The following HRH1 variants were observed in gnomAD, a reference collection of about 807,000 sequenced individuals.
HRH1 encodes the protein histamine H1 receptor.
A neutral mutation model predicts 10.3 loss-of-function variants in HRH1; 6 were observed. The observed-to-expected ratio is 0.58, with a 90% CI of 0.32 to 1.15. The LOEUF (loss-of-function observed/expected upper bound fraction) is 1.15, where lower values mean the gene tolerates loss of function less well. Among genes scored for constraint, HRH1 ranks in the 50% most tolerant of loss-of-function variants. The pLI, the probability that HRH1 is intolerant of heterozygous loss-of-function variation, is 0.05. For missense variants in HRH1, 514 were observed against 615.3 expected (o/e 0.84, Z 1.74); for synonymous variants, 242 against 236.7 (o/e 1.02, Z -0.21).
intron 1 of HRH1, among the ~76,000 whole-genome samples, chr3:11,230,592 G>C (rs1939012426): frequency 6.6e-6 from 1 of 152,196 alleles, no homozygotes; most frequent in South Asian, 2.1e-4. Context: ...GAGCTTGTTA[G>C]AGATGCAGAA....
chr3:11,193,764 C>T (rs186654415), intron 1 of HRH1, among the ~76,000 whole-genome samples: 85 of 152,330 alleles, frequency 5.6e-4, no homozygotes, highest in African/African-American at 1.8e-3. Flanking sequence ...ACTGTGTCTT[C>T]GCATGGTGGG....
At chr3:11,252,995 T>G (rs1000794286) in intron 1 of HRH1, 2 of 152,144 alleles carry the variant, frequency 1.3e-5, no homozygotes, top group Non-Finnish European at 2.9e-5. Context: ...AAGCCTAATT[T>G]TAGTATTAAA....
At chr3:11,228,598 G>A (rs911507958) in intron 1 of HRH1, among the ~76,000 whole-genome samples, 2 of 151,946 alleles carry the variant, frequency 1.3e-5, no homozygotes, top group Admixed American at 6.6e-5. Context: ...CAAAGTCTAC[G>A]TGAAGGACAC....
chr3:11,236,353 A>G (rs1939180627), intron 1 of HRH1, among the ~76,000 whole-genome samples: 1 of 152,156 alleles, frequency 6.6e-6, no homozygotes, highest in South Asian at 2.1e-4. Flanking sequence ...CACTTGAACC[A>G]AGGAGGCGGA....
At chr3:11,166,933 T>TG (rs56404138) in intron 1 of HRH1, among the ~76,000 whole-genome samples, 140,346 of 140,832 alleles carry the variant, frequency 1, 69,931 homozygotes, top group South Asian at 1. Flanking sequence ...CAACATCTCC[T>TG]TCCCCTGGCT....
At chr3:11,188,807 C>G (rs1159398205) in intron 1 of HRH1, among the ~76,000 whole-genome samples, 1 of 152,058 alleles carries the variant, frequency 6.6e-6, no homozygotes, top group Non-Finnish European at 1.5e-5. Flanking sequence ...GGATATAAAA[C>G]CAAGACAGCC....
At chr3:11,227,930 A>T (rs568186625) in intron 1 of HRH1, among the ~76,000 whole-genome samples, 2 of 152,352 alleles carry the variant, frequency 1.3e-5, no homozygotes, top group South Asian at 4.1e-4. Flanking sequence ...TCCCTAAGGC[A>T]TATCAAAAAC....
intron 1 of HRH1, among the ~76,000 whole-genome samples, chr3:11,167,810 C>T (rs1034458022): frequency 1.3e-5 from 2 of 152,224 alleles, no homozygotes; most frequent in Admixed American, 1.3e-4. Context: ...GCTCAGCTCT[C>T]CTGAGAGGGA....
chr3:11,165,124 A>G (rs1238235925), intron 1 of HRH1, among the ~76,000 whole-genome samples: 1 of 152,230 alleles, frequency 6.6e-6, no homozygotes. Context: ...CAGAGAGGCT[A>G]AGTGACTCGC....
At chr3:11,145,166 C>G (rs1418624015) in intron 1 of HRH1, among the ~76,000 whole-genome samples, 1 of 152,130 alleles carries the variant, frequency 6.6e-6, no homozygotes, top group African/African-American at 2.4e-5. Context: ...TCCTTAAAGT[C>G]CAACTCCAAT....
intron 1 of HRH1, among the ~76,000 whole-genome samples, chr3:11,144,475 A>ATAGACATACGTCTATAGG (rs1559249806): frequency 1.4e-3 from 84 of 59,164 alleles, no homozygotes; most frequent in Non-Finnish European, 2.5e-3. Flanking sequence ...ACATATAGAC[A>ATAGACATACGTCTATAGG]TATATATACA....
intron 1 of HRH1, among the ~76,000 whole-genome samples, chr3:11,177,316 A>C (rs17034093): frequency 1.3e-5 from 2 of 152,170 alleles, no homozygotes; most frequent in East Asian, 3.9e-4. Context: ...GACTAATGGC[A>C]TGGGAGTCTA....
intron 1 of HRH1, among the ~76,000 whole-genome samples, chr3:11,143,232 T>A (rs952453508): frequency 6.6e-6 from 1 of 151,602 alleles, no homozygotes; most frequent in Non-Finnish European, 1.5e-5. Context: ...CTCTGGAGGG[T>A]TTTTAGTAAG....
At chr3:11,210,519 C>T (rs1003183122) in intron 1 of HRH1, among the ~76,000 whole-genome samples, 4 of 152,218 alleles carry the variant, frequency 2.6e-5, no homozygotes, top group South Asian at 2.1e-4. Context: ...TGGCTGGGTG[C>T]GGAGGCTCAC....
At chr3:11,221,915 G>A (rs898214909) in intron 1 of HRH1, among the ~76,000 whole-genome samples, 10 of 152,242 alleles carry the variant, frequency 6.6e-5, no homozygotes, top group South Asian at 4.2e-4. Context: ...GTGATACCAC[G>A]TGCCAGATGC....
rs1940004104 is a variant in HRH1 at position 11,263,269 on chromosome 3, A to ATC, written c.*2772_*2773dup. 6.0e-6 allele frequency: 1 copy of ATC among 167,108 alleles called. No homozygotes were observed. Among genetic ancestry groups the ATC allele is most frequent in the Non-Finnish European group, 1.5e-5 (1 of 68,136 alleles). The allele number at this position is 167,108 out of a possible 1,614,324, so 10.4% of individuals were successfully genotyped here. A position where few individuals can be genotyped will look rare whatever the true frequency, so the allele number is the denominator to read the frequency against. On this transcript the variant is annotated 3_prime_UTR_variant, in exon 2 of 2. Coordinates refer to ENST00000431010, the MANE Select transcript of HRH1 (RefSeq NM_001098212.2). ...CATTTGGCTACTTGGCTTGTGGACA[A>ATC]TCTCTGACCTCTTTTGAAGATGGGC... is the stretch of plus-strand genomic sequence containing the variant.
At chr3:11,242,338 G>A (rs1175129806) in intron 1 of HRH1, among the ~76,000 whole-genome samples, 1 of 151,822 alleles carries the variant, frequency 6.6e-6, no homozygotes, top group African/African-American at 2.4e-5. Context: ...AAAATTAGCC[G>A]GCCATGGTGG....
chr3:11,148,097 T>A (rs1936498225), intron 1 of HRH1, among the ~76,000 whole-genome samples: 3 of 151,414 alleles, frequency 2.0e-5, no homozygotes, highest in African/African-American at 2.4e-5. Context: ...GGAGAAACGC[T>A]TGAACCCAGG....
chr3:11,185,610 C>T (rs752947046), intron 1 of HRH1, among the ~76,000 whole-genome samples: 9 of 152,116 alleles, frequency 5.9e-5, no homozygotes, highest in Non-Finnish European at 1.3e-4. Flanking sequence ...GGCCTTTAGA[C>T]CAAGAAGACC....
Sources: allele counts gnomAD v4.1 joint callset (sites outside exome capture counted in the v4.1 genomes callset), GRCh38; gene constraint gnomAD v4.1.1; transcripts MANE v1.5; gene names NCBI Gene and HGNC (gene_info 2026-07-23, HGNC 2026-07-21).